HTR1F: variants seen among roughly 807,000 people sequenced by gnomAD.
HTR1F encodes the protein 5-hydroxytryptamine (serotonin) receptor 1F, G protein-coupled.
HTR1F carries 17 observed loss-of-function variants against 24.0 expected under a neutral mutation model. The ratio of observed to expected loss-of-function variants is 0.71; its 90% CI spans 0.48 to 1.06. The LOEUF is 1.06. Ranked by LOEUF, HTR1F falls within the 50% of genes least tolerant of loss-of-function variation. The pLI is 0.00. For missense variants in HTR1F, 391 were observed against 427.8 expected (o/e 0.91, Z 0.76); for synonymous variants, 186 against 156.8 (o/e 1.19, Z -1.39).
intron 2 of HTR1F, among the ~76,000 whole-genome samples, chr3:87,826,836 G>C (rs1326165864): frequency 1.3e-5 from 2 of 151,904 alleles, no homozygotes; most frequent in African/African-American, 2.4e-5. Context: ...TTGGGGACAG[G>C]GTCTCACTCT....
intron 2 of HTR1F, among the ~76,000 whole-genome samples, chr3:87,823,928 G>A (rs183957090): frequency 2.4e-4 from 37 of 151,560 alleles, no homozygotes; most frequent in Admixed American, 7.2e-4. Context: ...GCATGGTGGC[G>A]CGCCTGTAGT....
chr3:87,991,841 T>C lies in HTR1F; in HGVS notation c.1092T>C (p.Cys364=). The change falls in exon 3 of 3, where the codon TGT becomes TGC. Residue 364 remains cysteine (C), a synonymous_variant. Coordinates refer to ENST00000319595, the MANE Select transcript of HTR1F (RefSeq NM_001322209.2). The part of the protein sequence containing the change: ...FKKAFQKLVR[C]RC ...AAGCATTCCAAAAGCTTGTGCGATG[T>C]CGATGTTAGTTTTAAAAATGTTTAT... is the stretch of plus-strand genomic sequence containing the variant. 6.4e-7 allele frequency: 1 copy of C among 1,562,038 alleles called. No homozygotes were observed. Among genetic ancestry groups the C allele is most frequent in the South Asian group, 1.2e-5 (1 of 82,196 alleles).
intron 2 of HTR1F, among the ~76,000 whole-genome samples, chr3:87,959,292 C>G (rs1559649001): frequency 6.6e-6 from 1 of 151,728 alleles, no homozygotes; most frequent in Non-Finnish European, 1.5e-5. Context: ...TTTAATGAGA[C>G]TGTGATGTAT....
At chr3:87,950,059 C>T (rs1021584063) in intron 2 of HTR1F, among the ~76,000 whole-genome samples, 3 of 152,174 alleles carry the variant, frequency 2.0e-5, no homozygotes, top group Non-Finnish European at 2.9e-5. Context: ...AGGAACCAAA[C>T]TTGAGGCACA....
chr3:87,970,033 G>A (rs904684565), intron 2 of HTR1F, among the ~76,000 whole-genome samples: 4 of 152,198 alleles, frequency 2.6e-5, no homozygotes, highest in Non-Finnish European at 4.4e-5. Context: ...CCCCGGCCAC[G>A]TGGAACTGTG....
chr3:87,941,356 G>A (rs747526815), intron 2 of HTR1F, among the ~76,000 whole-genome samples: 3 of 152,186 alleles, frequency 2.0e-5, no homozygotes, highest in Admixed American at 6.5e-5. Context: ...GGCTGGATAC[G>A]ATCCTCACGG....
intron 2 of HTR1F, among the ~76,000 whole-genome samples, chr3:87,852,904 G>A (rs553174353): frequency 2.7e-5 from 4 of 149,706 alleles, no homozygotes; most frequent in South Asian, 2.1e-4. Flanking sequence ...ATATTTTTAC[G>A]TCCTTCAATA....
rs113921024 is a variant in HTR1F at position 87,979,797 on chromosome 3, C to T, written c.-42-10911C>T. Among the ~76,000 whole-genome samples, 416 of 152,328 alleles carry T rather than the reference C, an allele frequency of 2.7e-3. 1 individual carries two copies. Among genetic ancestry groups the T allele is most frequent in the African/African-American group, 9.4e-3 (390 of 41,584 alleles). On this transcript the variant is annotated intron_variant, in intron 2 of 2. Coordinates refer to ENST00000319595, the MANE Select transcript of HTR1F (RefSeq NM_001322209.2). ...TCCAGTTACTGCACATAGCCAGGCGCGCTGGCTGCTGTGGCAGGTCAGGCA... is the reference window on the plus strand; with the variant it reads ...TCCAGTTACTGCACATAGCCAGGCGTGCTGGCTGCTGTGGCAGGTCAGGCA...
chr3:87,946,846 T>G (rs766291793), intron 2 of HTR1F, among the ~76,000 whole-genome samples: 3 of 152,102 alleles, frequency 2.0e-5, no homozygotes, highest in East Asian at 3.9e-4. Context: ...AGGATGGTCT[T>G]GATCTCCTGA....
chr3:87,823,331 T>TTCTCAGTTATGATGGAGAATA (rs1362277946), intron 2 of HTR1F, among the ~76,000 whole-genome samples: 4 of 152,210 alleles, frequency 2.6e-5, no homozygotes, highest in Admixed American at 2.6e-4. Context: ...AGTATACTGA[T>TTCTCAGTTATGATGGAGAATA]TCTCAGTTAT....
chr3:87,918,639 T>C (rs1469385264), intron 2 of HTR1F, among the ~76,000 whole-genome samples: 3 of 151,462 alleles, frequency 2.0e-5, no homozygotes, highest in Non-Finnish European at 3.0e-5. Flanking sequence ...GCAAAAAACA[T>C]AAAATACTTA....
rs374304893 is a variant in HTR1F at position 87,794,854 on chromosome 3, A to G, written c.-160+2012A>G. On this transcript the variant is annotated intron_variant, in intron 1 of 2. Transcript: ENST00000319595. ...TATATTAACTAGTTATATTGTTTTT[A>G]TTGTTCTTATAAAGACTACTATAAA... Among the ~76,000 whole-genome samples the G allele has an allele frequency of 2.6e-5, 4 of 152,142 alleles. No individual in the cohort carries two copies. In the East Asian group the frequency reaches 5.8e-4, roughly 22 times the overall value.
At chr3:87,811,277 TA>T (rs58596561) in intron 1 of HTR1F, among the ~76,000 whole-genome samples, 53,136 of 145,168 alleles carry the variant, frequency 0.37, 9,789 homozygotes, top group African/African-American at 0.49. Flanking sequence ...ATTCTATTGT[TA>T]AAAAAAAAAA....
At chr3:87,849,162 C>T (rs1287892207) in intron 2 of HTR1F, among the ~76,000 whole-genome samples, 1 of 151,708 alleles carries the variant, frequency 6.6e-6, no homozygotes, top group Admixed American at 6.6e-5. Context: ...CAATCCAAAG[C>T]CAAAAGAACA....
chr3:87,914,780 G>A (rs572527897), intron 2 of HTR1F, among the ~76,000 whole-genome samples: 4 of 152,098 alleles, frequency 2.6e-5, no homozygotes, highest in East Asian at 1.9e-4. Flanking sequence ...GAAGACAAGG[G>A]GAATATACTC....
At chr3:87,873,555 T>A (rs1338305468) in intron 2 of HTR1F, among the ~76,000 whole-genome samples, 10 of 152,206 alleles carry the variant, frequency 6.6e-5, no homozygotes, top group Admixed American at 6.5e-4. Flanking sequence ...TGCTAATCTA[T>A]TTCAGAACCA....
At chr3:87,976,601 T>C (rs1705399504) in intron 2 of HTR1F, among the ~76,000 whole-genome samples, 2 of 152,224 alleles carry the variant, frequency 1.3e-5, no homozygotes, top group Non-Finnish European at 1.5e-5. Flanking sequence ...CTAAGCATGT[T>C]ATATTTTTCT....
intron 2 of HTR1F, among the ~76,000 whole-genome samples, chr3:87,970,311 A>G (rs895802510): frequency 3.9e-5 from 6 of 152,206 alleles, no homozygotes; most frequent in Non-Finnish European, 8.8e-5. Context: ...GGTTTAAAAC[A>G]CATTGATGAG....
chr3:87,949,646 T>G (rs1039745024), intron 2 of HTR1F, among the ~76,000 whole-genome samples: 3 of 152,206 alleles, frequency 2.0e-5, no homozygotes, highest in Non-Finnish European at 4.4e-5. Flanking sequence ...CTTCTTACCA[T>G]GACTCCAAAA....
Sources: gnomAD v4.1 joint callset for allele counts (sites outside exome capture counted in the v4.1 genomes callset) on GRCh38, gnomAD v4.1.1 for gene constraint, MANE v1.5 for transcripts, NCBI Gene and HGNC (gene_info 2026-07-23, HGNC 2026-07-21) for gene names.